The following DDX54 variants were observed in gnomAD, a reference collection of about 807,000 sequenced individuals.
DDX54 encodes the protein ATP-dependent RNA helicase DDX54.
Under a neutral mutation model 105.5 loss-of-function variants are expected in DDX54, and 67 were observed. The ratio of observed to expected loss-of-function variants is 0.64; its 90% CI spans 0.52 to 0.78. The LOEUF is 0.78. Among genes scored for constraint, DDX54 ranks in the 30% least tolerant of loss-of-function variants. DDX54 has a pLI of 0.00. For synonymous variants in DDX54, 514 were observed against 509.9 expected, an observed-to-expected ratio of 1.01 and a Z score of -0.11; for missense variants, 1,206 against 1,230.5, an observed-to-expected ratio of 0.98 and a Z score of 0.30.
intron 19 of DDX54, among the ~76,000 whole-genome samples, chr12:113,160,277 T>C (rs1180365384): frequency 6.6e-6 from 1 of 150,606 alleles, no homozygotes; most frequent in Non-Finnish European, 1.5e-5. Context: ...CCCCAGGAGG[T>C]GGAGGGACAC....
chr12:113,178,365 C>T (rs986871216), intron 5 of DDX54: 2 of 152,378 alleles, frequency 1.3e-5, no homozygotes, highest in African/African-American at 4.8e-5. Context: ...GTGGCAGTGC[C>T]TCTGTGGGCA....
intron 12 of DDX54, among the ~76,000 whole-genome samples, chr12:113,168,171 G>A (rs1453887506): frequency 6.6e-6 from 1 of 152,206 alleles, no homozygotes; most frequent in South Asian, 2.1e-4. Flanking sequence ...CTTTCCAGCC[G>A]CCTCCAGGCA....
In DDX54 at chr12:113,179,163, T is replaced by G. The variant is rs992734125; in HGVS notation, c.544A>C (p.Thr182Pro). The change falls in exon 4 of 20, where the codon ACC becomes CCC. Residue 182 changes from threonine to proline, a missense_variant. Coordinates refer to ENST00000306014, the MANE Select transcript of DDX54 (RefSeq NM_024072.4). ...LSPTRELALQ[T>P]LKFTKELGKF... ...CACACCTCCTTAGTGAACTTCAGGG[T>G]CTGCAGGGCCAGCTCTCGGGTCGGC... 1 of 1,613,660 alleles carries G rather than the reference T, an allele frequency of 6.2e-7. No homozygotes were observed. The highest frequency in any genetic ancestry group is 1.3e-5 in the African/African-American group (1 of 74,832).
chr12:113,158,764 C>T lies in DDX54; in HGVS notation c.*113G>A, dbSNP rs1404263797. ...TCCTTTTCACAGATGATGGCTCCTG[C>T]AGGGAGTGCCCCCAGTGCCCAGCAC... On this transcript the variant is annotated 3_prime_UTR_variant, in exon 20 of 20. Coordinates refer to ENST00000306014, the MANE Select transcript of DDX54 (RefSeq NM_024072.4). The surrounding 1 kb of genome is among the most constrained non-coding windows in gnomAD (Gnocchi z 4.9). 5.0e-6 allele frequency: 6 copies of T among 1,194,960 alleles called. No homozygotes were observed. The highest frequency in any genetic ancestry group is 2.5e-5 in the East Asian group (1 of 39,342). 74.0% of individuals were successfully genotyped at this position (1,194,960 alleles called of 1,614,324 possible).
rs1193872578 is a variant in DDX54, at chr12:113,157,282, AAT to A, written c.*1593_*1594del. On this transcript the variant is annotated 3_prime_UTR_variant, in exon 20 of 20. Transcript: ENST00000306014. ...GATAAGAGTAGGTCACAAACCAATG[AAT>A]ATGACTGATCCAGTTACAAGAAAAT... The A allele has an allele frequency of 2.7e-6, 1 of 376,518 alleles. No individual in the cohort carries two copies. Among genetic ancestry groups the A allele is most frequent in the Non-Finnish European group, 4.9e-6 (1 of 205,404 alleles). The allele number at this position is 376,518 out of a possible 1,614,324, so 23.3% of individuals were successfully genotyped here. A position where few individuals can be genotyped will look rare whatever the true frequency, so the allele number is the denominator to read the frequency against.
chr12:113,164,192 G>C lies in DDX54; in HGVS notation c.1813C>G (p.Gln605Glu). The C allele has an allele frequency of 6.4e-7, 1 of 1,572,144 alleles. No individual in the cohort carries two copies. The highest frequency in any genetic ancestry group is 8.6e-7 in the Non-Finnish European group (1 of 1,159,664). The change falls in exon 15 of 20, where the codon CAG (glutamine) becomes GAG (glutamate). Residue 605 changes from glutamine (Q) to glutamate (E), a missense_variant. Coordinates refer to ENST00000306014, the MANE Select transcript of DDX54 (RefSeq NM_024072.4). ...TCCTGCCGCCCCTGCTGTCCCTGCT[G>C]GAAGCGGGCGATGGCCTTGCGGTCC... ...QKDRKAIARF[Q>E]QGQQGRQEQQ...
intron 1 of DDX54, among the ~76,000 whole-genome samples, chr12:113,181,592 T>C (rs1952469080): frequency 6.6e-6 from 1 of 151,528 alleles, no homozygotes; most frequent in Admixed American, 6.6e-5. Context: ...ATTACAGGCA[T>C]GAACCACCAC....
chr12:113,176,990 T>C lies in DDX54; in HGVS notation c.657-55A>G, dbSNP rs998404947. 14 of 1,613,566 alleles carry C rather than the reference T, an allele frequency of 8.7e-6. No homozygotes were observed. In the Admixed American group the frequency reaches 2.3e-4, roughly 27 times the overall value. ...CCAGGGCCAGGGCCACCACCACAGT[T>C]CTCTTACACCCCCACCACTAGGAAG... On this transcript the variant is annotated intron_variant, in intron 6 of 19. Coordinates refer to ENST00000306014, the MANE Select transcript of DDX54 (RefSeq NM_024072.4).
Position 113,158,803 on chromosome 12 carries a change from C to T in DDX54, c.*74G>A. Reference sequence around the variant, plus strand: ...AGTGCCCAGCACAGGGCCAGGCACACAGTGGTGCACGGGAACGTCTGCTGA... The same window carrying T: ...AGTGCCCAGCACAGGGCCAGGCACATAGTGGTGCACGGGAACGTCTGCTGA... On this transcript the variant is annotated 3_prime_UTR_variant, in exon 20 of 20. Transcript: ENST00000306014. The surrounding 1 kb of genome is among the most constrained non-coding windows in gnomAD (Gnocchi z 4.9). 6.8e-7 allele frequency: 1 copy of T among 1,466,028 alleles called. No individual in the cohort carries two copies. The highest frequency in any genetic ancestry group is 2.3e-5 in the East Asian group (1 of 42,776). 90.8% of individuals were successfully genotyped at this position (1,466,028 alleles called of 1,614,324 possible).
intron 1 of DDX54, among the ~76,000 whole-genome samples, 158 bp downstream of exon 1, chr12:113,185,120 G>A (rs1035905432): frequency 6.6e-6 from 1 of 152,200 alleles, no homozygotes; most frequent in African/African-American, 2.4e-5. Flanking sequence ...CCCGAGACAC[G>A]TGCTCAGGCC....
rs1002870064 is a variant in DDX54, at chr12:113,166,032, C to A, written c.1415G>T (p.Gly472Val). ...CAGCATGCCATCCACACCGGCCACA[C>A]CTGCACCCCACACAGCACCTTGTCA... ...TLARPLKEPS[G>V]VAGVDGMLGR... Residue 472 changes from glycine (G) to valine (V), a missense_variant and splice_region_variant, in exon 13 of 20, where the codon GGT (glycine) becomes GTT (valine). Around this residue, in one of 3 missense-constraint regions of DDX54, gnomAD observed 961 missense variants for 1,019.1 expected, o/e 0.94. Transcript: ENST00000306014. 11 of 1,603,034 alleles carry A rather than the reference C, an allele frequency of 6.9e-6. No homozygotes were observed. The highest frequency in any genetic ancestry group is 8.5e-6 in the Non-Finnish European group (10 of 1,179,482).
chr12:113,178,972 C>T lies in DDX54; in HGVS notation c.614+5G>A. ...TGACCCTGGCATGGGGTGCAGGGAC[C>T]TTACCTGTCTCCACCCAGGATCAGG... On this transcript the variant is annotated splice_donor_5th_base_variant and intron_variant, in intron 5 of 19. Coordinates refer to ENST00000306014, the MANE Select transcript of DDX54 (RefSeq NM_024072.4). The T allele has an allele frequency of 1.9e-6, 3 of 1,614,018 alleles. No homozygotes were observed. Among genetic ancestry groups the T allele is most frequent in the Non-Finnish European group, 2.5e-6 (3 of 1,179,958 alleles).
chr12:113,159,017 C>A lies in DDX54; in HGVS notation c.2506G>T (p.Ala836Ser), dbSNP rs1240582621. ...KQQILKQRRR[A>S]QKLHFLQRGG... ...CGCTGCAGGAAGTGCAGCTTCTGGG[C>A]CCGGCGCCGCTGCTTCAGGATCTGC... is the stretch of plus-strand genomic sequence containing the variant. Residue 836 changes from alanine (A) to serine (S), a missense_variant, in exon 20 of 20, where the codon GCC (alanine) becomes TCC (serine). Ala to Ser is a moderately conservative substitution (Grantham distance 99). Coordinates refer to ENST00000306014, the MANE Select transcript of DDX54 (RefSeq NM_024072.4). The A allele has an allele frequency of 4.3e-6, 7 of 1,611,586 alleles. No homozygotes were observed. The Admixed American group carries it at 6.7e-5, about 15-fold the overall frequency.
chr12:113,163,924 T>C lies in DDX54; in HGVS notation c.1938+143A>G, dbSNP rs749565311. 2 of 1,407,288 alleles carry C rather than the reference T, an allele frequency of 1.4e-6. No homozygotes were observed. The highest frequency in any genetic ancestry group is 1.4e-5 in the African/African-American group (1 of 69,318). The allele number at this position is 1,407,288 out of a possible 1,614,324, so 87.2% of individuals were successfully genotyped here. A position where few individuals can be genotyped will look rare whatever the true frequency, so the allele number is the denominator to read the frequency against. The stretch of plus-strand genomic sequence containing the variant: ...AACGAGGGATGGTGGACAAGAACCA[T>C]GCCCCGACTCTGCAGATGGGAAGCT... On this transcript the variant is annotated intron_variant, in intron 15 of 19. Coordinates refer to ENST00000306014, the MANE Select transcript of DDX54 (RefSeq NM_024072.4). The surrounding 1 kb of genome is among the most constrained non-coding windows in gnomAD (Gnocchi z 5.9).
At position 113,162,997 on chromosome 12, in the gene DDX54, G is replaced by A. The variant is rs985667240; in HGVS notation, c.2130C>T (p.Gly710=). ...CATCCCCCATCAAGTCCAGGACAGCGCCAGCTGCCTGCTGCTCAAAGGCTC... is the reference window on the plus strand; with the variant it reads ...CATCCCCCATCAAGTCCAGGACAGCACCAGCTGCCTGCTGCTCAAAGGCTC... ...EGGAFEQQAA[G]AVLDLMGDEA... Residue 710 remains glycine, a synonymous_variant, in exon 17 of 20, where the codon GGC becomes GGT. Coordinates refer to ENST00000306014, the MANE Select transcript of DDX54 (RefSeq NM_024072.4). 27 of 1,609,086 alleles carry A rather than the reference G, an allele frequency of 1.7e-5. No homozygotes were observed. Among genetic ancestry groups the A allele is most frequent in the African/African-American group, 2.7e-5 (2 of 74,904 alleles).
chr12:113,162,864 G>C, intron 17 of DDX54, 68 bp downstream of exon 17: 1 of 1,447,168 alleles, frequency 6.9e-7, no homozygotes, highest in Non-Finnish European at 9.3e-7. Flanking sequence ...ACTCACCCCA[G>C]GCACGGAGGA....
At chr12:113,159,478 G>A (rs971271059) in intron 19 of DDX54, among the ~76,000 whole-genome samples, 2 of 152,134 alleles carry the variant, frequency 1.3e-5, no homozygotes, top group African/African-American at 4.8e-5. Flanking sequence ...CTGTCCCATA[G>A]TGGGAGCCTT....
At chr12:113,177,132 C>G (rs1367227507) in intron 5 of DDX54, 39 bp from the exon 6 acceptor site, 1 of 1,607,148 alleles carries the variant, frequency 6.2e-7, no homozygotes, top group Middle Eastern at 1.7e-4. Flanking sequence ...TAGAACAGGT[C>G]TCTTTGGTTT....
chr12:113,174,116 T>G (rs1036172566), intron 10 of DDX54, among the ~76,000 whole-genome samples: 2 of 151,068 alleles, frequency 1.3e-5, no homozygotes, highest in African/African-American at 4.9e-5. Context: ...GAGGTGGAGG[T>G]TGCAGTGAGC....
Sources: gnomAD v4.1 joint callset for allele counts (sites outside exome capture counted in the v4.1 genomes callset) on GRCh38, gnomAD v4.1.1 for gene constraint, gnomAD v4.1.1 regional missense constraint, Gnocchi (gnomAD v3.1) non-coding constraint, MANE v1.5 for transcripts, NCBI Gene and HGNC (gene_info 2026-07-23, HGNC 2026-07-21) for gene names.